The following PLCD3 variants were observed in gnomAD, a reference collection of about 807,000 sequenced individuals.
PLCD3 encodes phospholipase C delta 3, also known as 1-phosphatidylinositol 4,5-bisphosphate phosphodiesterase delta-3.
PLCD3 carries 62 observed loss-of-function variants against 82.8 expected under a neutral mutation model. The observed-to-expected ratio is 0.75, with a 90% CI of 0.61 to 0.93. The LOEUF (loss-of-function observed/expected upper bound fraction) is 0.93. Among genes scored for constraint, PLCD3 ranks in the 40% least tolerant of loss-of-function variants. The pLI is 0.00. For synonymous variants in PLCD3, 478 were observed against 471.8 expected (o/e 1.01, Z -0.17); for missense variants, 1,023 against 1,103.4 (o/e 0.93, Z 1.03).
chr17:45,113,747 G>T (rs1346540965), intron 11 of PLCD3, 142 bp from the exon 12 acceptor site: 8 of 1,079,802 alleles, frequency 7.4e-6, no homozygotes, highest in Non-Finnish European at 9.1e-6. Context: ...CATGACTTTA[G>T]GGGAGGGGGT....
chr17:45,123,964 C>CCT (rs1555610232), intron 1 of PLCD3, among the ~76,000 whole-genome samples: 8 of 145,128 alleles, frequency 5.5e-5, no homozygotes, highest in African/African-American at 1.3e-4. Context: ...AGACCCCCCC[C>CCT]CCAACCAGGT....
chr17:45,125,456 G>A (rs2054374393), intron 1 of PLCD3, among the ~76,000 whole-genome samples: 1 of 152,254 alleles, frequency 6.6e-6, no homozygotes, highest in Non-Finnish European at 1.5e-5. Context: ...AAACAGCCGA[G>A]CATGGTGGCC....
intron 1 of PLCD3, among the ~76,000 whole-genome samples, chr17:45,121,692 T>C (rs1245057707): frequency 5.3e-5 from 8 of 152,232 alleles, no homozygotes; most frequent in Admixed American, 5.2e-4. Flanking sequence ...CAGGCCTCAC[T>C]AAAGGTTGCC....
At chr17:45,112,759 C>T (rs1046947784) in intron 14 of PLCD3, 55 bp from the exon 15 acceptor site, 5 of 1,589,514 alleles carry the variant, frequency 3.1e-6, no homozygotes, top group Non-Finnish European at 1.7e-6. Flanking sequence ...GGGTCTGGCC[C>T]AGCCCGGGCC....
At chr17:45,128,378 G>C (rs1445348773) in intron 1 of PLCD3, among the ~76,000 whole-genome samples, 1 of 152,192 alleles carries the variant, frequency 6.6e-6, no homozygotes, top group African/African-American at 2.4e-5. Context: ...GCCTGGCAGA[G>C]CCAGCCCCCT....
rs1022821149 is a variant in PLCD3 at position 45,118,602 on chromosome 17, G to A, written c.914-110C>T. The A allele has an allele frequency of 2.3e-6, 3 of 1,298,660 alleles. No individual in the cohort carries two copies. The highest frequency in any genetic ancestry group is 2.9e-5 in the African/African-American group (2 of 68,546). 80.4% of individuals were successfully genotyped at this position (1,298,660 alleles called of 1,614,324 possible). A position where few individuals can be genotyped will look rare whatever the true frequency, so the allele number is the denominator to read the frequency against. On this transcript the variant is annotated intron_variant, in intron 5 of 14. Coordinates refer to ENST00000619929, the MANE Select transcript of PLCD3 (RefSeq NM_133373.5). The surrounding 1 kb of genome is among the most constrained non-coding windows in gnomAD (Gnocchi z 4.1). ...AGGAATAATGACTAGACAATCTACT[G>A]ACTAGACTCCATGTAAGTCATGCCA... is the stretch of plus-strand genomic sequence containing the variant.
intron 1 of PLCD3, among the ~76,000 whole-genome samples, chr17:45,128,821 G>A (rs1010748474): frequency 3.9e-5 from 6 of 152,216 alleles, no homozygotes; most frequent in Non-Finnish European, 8.8e-5. Context: ...AAACTTAACC[G>A]GGTGTTCTGT....
chr17:45,109,107 C>T lies in PLCD3; in HGVS notation c.*3509G>A, dbSNP rs1471542877. The T allele has an allele frequency of 2.0e-5, 3 of 152,598 alleles. No homozygotes were observed. Among genetic ancestry groups the T allele is most frequent in the African/African-American group, 7.2e-5 (3 of 41,458 alleles). The allele number at this position is 152,598 out of a possible 1,614,324, so 9.5% of individuals were successfully genotyped here. A position where few individuals can be genotyped will look rare whatever the true frequency, so the allele number is the denominator to read the frequency against. Reference sequence around the variant, plus strand: ...TGGAGCCAGGACGACAGGGCTTGGACACAAAGTCCCTCAAGCCCACAGCAC... The same window carrying T: ...TGGAGCCAGGACGACAGGGCTTGGATACAAAGTCCCTCAAGCCCACAGCAC... On this transcript the variant is annotated 3_prime_UTR_variant, in exon 15 of 15. Coordinates refer to ENST00000619929, the MANE Select transcript of PLCD3 (RefSeq NM_133373.5).
intron 7 of PLCD3, 52 bp downstream of exon 7, chr17:45,117,942 G>T: frequency 6.2e-7 from 1 of 1,602,476 alleles, no homozygotes; most frequent in South Asian, 1.1e-5. Context: ...GAGTGCGGAC[G>T]GAGGTCATTG....
At chr17:45,124,287 C>G (rs2054364861) in intron 1 of PLCD3, among the ~76,000 whole-genome samples, 1 of 152,268 alleles carries the variant, frequency 6.6e-6, no homozygotes, top group African/African-American at 2.4e-5. Flanking sequence ...GAACGCCTGA[C>G]TGGGCCCCCA....
chr17:45,127,870 C>G (rs2054393214), intron 1 of PLCD3, among the ~76,000 whole-genome samples: 1 of 151,850 alleles, frequency 6.6e-6, no homozygotes, highest in Non-Finnish European at 1.5e-5. Flanking sequence ...GGTGGGCCAG[C>G]CAGGGGGAAA....
intron 4 of PLCD3, 40 bp from the exon 5 acceptor site, chr17:45,119,083 C>G (rs1276619474): frequency 1.1e-5 from 16 of 1,513,864 alleles, no homozygotes; most frequent in Non-Finnish European, 1.4e-5. Context: ...GGCAGACACT[C>G]CAGGAAACCT....
At chr17:45,129,429 C>G (rs927726081) in intron 1 of PLCD3, 1 of 152,332 alleles carries the variant, frequency 6.6e-6, no homozygotes, top group Non-Finnish European at 1.5e-5. Context: ...GATCATGCCA[C>G]TGCACTCCAG....
In PLCD3 at chr17:45,114,515, G is replaced by T. The variant is rs573101049; in HGVS notation, c.1712-149C>A. On this transcript the variant is annotated intron_variant, in intron 10 of 14. Transcript: ENST00000619929. ...CTCTCTTCTGACCTAGAGTGAGAGG[G>T]GAGCTCACTGAGGAGGCTGCAGGGA... The T allele has an allele frequency of 5.2e-4, 305 of 585,564 alleles. 3 individuals carry two copies. In the East Asian group the frequency reaches 0.01, roughly 19 times the overall value. 36.3% of individuals were successfully genotyped at this position (585,564 alleles called of 1,614,324 possible). A position where few individuals can be genotyped will look rare whatever the true frequency, so the allele number is the denominator to read the frequency against.
chr17:45,118,443 C>T lies in PLCD3; in HGVS notation c.963G>A (p.Leu321=), dbSNP rs770532464. 2 of 1,613,998 alleles carry T rather than the reference C, an allele frequency of 1.2e-6. No individual in the cohort carries two copies. The highest frequency in any genetic ancestry group is 1.7e-5 in the Admixed American group (1 of 60,030). ...MTLDGFMMYL[L]SPEGAALDNT... is the part of the protein sequence containing the mutation. ...TGTCCAAGGCAGCCCCCTCCGGCGA[C>T]AACAGGTACATCATGAAGCCATCCA... The change falls in exon 6 of 15, where the codon TTG becomes TTA. Residue 321 remains leucine (L), a synonymous_variant. Coordinates refer to ENST00000619929, the MANE Select transcript of PLCD3 (RefSeq NM_133373.5). This position sits in a 1 kb window ranked among gnomAD's most constrained non-coding sequence, Gnocchi z 4.1.
chr17:45,110,101 C>G lies in PLCD3; in HGVS notation c.*2515G>C, dbSNP rs756759316. 2.0e-5 allele frequency: 3 copies of G among 152,010 alleles called. No homozygotes were observed. Among genetic ancestry groups the G allele is most frequent in the Non-Finnish European group, 4.4e-5 (3 of 68,178 alleles). The allele number at this position is 152,010 out of a possible 1,614,324, so 9.4% of individuals were successfully genotyped here. ...TCAAAAAAACAAACAAAAAAAAAAC[C>G]CTGTGATTTCTCCCTTGCTTCTGCT... On this transcript the variant is annotated 3_prime_UTR_variant, in exon 15 of 15. Transcript: ENST00000619929.
chr17:45,131,315 C>T (rs2054440482), intron 1 of PLCD3, among the ~76,000 whole-genome samples: 2 of 152,242 alleles, frequency 1.3e-5, no homozygotes. Context: ...CTCTCCATCA[C>T]TGACTATTCT....
In PLCD3 at chr17:45,110,107, A is replaced by G. The variant is rs1279425553; in HGVS notation, c.*2509T>C. The G allele has an allele frequency of 6.6e-6, 1 of 151,724 alleles. No homozygotes were observed. The highest frequency in any genetic ancestry group is 1.5e-5 in the Non-Finnish European group (1 of 68,160). The allele number at this position is 151,724 out of a possible 1,614,324, so 9.4% of individuals were successfully genotyped here. On this transcript the variant is annotated 3_prime_UTR_variant, in exon 15 of 15. Transcript: ENST00000619929. Reference sequence around the variant, plus strand: ...AAACAAACAAAAAAAAAACCCTGTGATTTCTCCCTTGCTTCTGCTTCCCAG... The same window carrying G: ...AAACAAACAAAAAAAAAACCCTGTGGTTTCTCCCTTGCTTCTGCTTCCCAG...
rs1598023922 is a variant in PLCD3, at chr17:45,109,180, G to A, written c.*3436C>T. On this transcript the variant is annotated 3_prime_UTR_variant, in exon 15 of 15. Coordinates refer to ENST00000619929, the MANE Select transcript of PLCD3 (RefSeq NM_133373.5). The stretch of plus-strand genomic sequence containing the variant: ...CCTTTAAGGCTGCCCTTCTTCCAGG[G>A]CAAACTTGGTGTTGTCAGACCCTTC... 1 of 152,372 alleles carries A rather than the reference G, an allele frequency of 6.6e-6. No homozygotes were observed. Among genetic ancestry groups the A allele is most frequent in the Middle Eastern group, 3.4e-3 (1 of 296 alleles). The allele number at this position is 152,372 out of a possible 1,614,324, so 9.4% of individuals were successfully genotyped here.
Sources: gnomAD v4.1 joint callset for allele counts (sites outside exome capture counted in the v4.1 genomes callset) on GRCh38, gnomAD v4.1.1 for gene constraint, Gnocchi (gnomAD v3.1) non-coding constraint, MANE v1.5 for transcripts, NCBI Gene and HGNC (gene_info 2026-07-23, HGNC 2026-07-21) for gene names.